ADCY3: variants seen among roughly 807,000 people sequenced by gnomAD.
ADCY3 encodes adenylate cyclase type 3.
In ADCY3, 70 loss-of-function variants were observed where a neutral mutation model predicts 119.4. That is an observed-to-expected ratio of 0.59 (90% CI 0.48 to 0.72). ADCY3 has a LOEUF of 0.72. Ranked by LOEUF, ADCY3 falls within the 30% of genes least tolerant of loss-of-function variation. The probability of loss-of-function intolerance (pLI) is 0.00; values close to 1 mark genes in which losing one functional copy is unlikely to be tolerated. For synonymous variants in ADCY3, 672 were observed against 621.4 expected (o/e 1.08, Z -1.21); for missense variants, 1,238 against 1,541.6 (o/e 0.80, Z 3.30).
At chr2:24,902,473 T>C (rs1679026466) in intron 2 of ADCY3, among the ~76,000 whole-genome samples, 1 of 152,138 alleles carries the variant, frequency 6.6e-6, no homozygotes, top group African/African-American at 2.4e-5. Flanking sequence ...CATCCCAACA[T>C]GTGCCATGGT....
At chr2:24,912,568 CATGTGT>C (rs1466316773) in intron 2 of ADCY3, among the ~76,000 whole-genome samples, 2 of 105,962 alleles carry the variant, frequency 1.9e-5, no homozygotes, top group East Asian at 9.1e-4. Flanking sequence ...TGTGTGTGTG[CATGTGT>C]GTGTGTGTGT....
chr2:24,819,612 C>A lies in ADCY3; in HGVS notation c.*320G>T, dbSNP rs1358772315. ...CCGGAAAGCCCAGCGGCAAAGGCAG[C>A]TTTGTCCCAGCTCTGCCACCCTCCT... is the stretch of plus-strand genomic sequence containing the variant. On this transcript the variant is annotated 3_prime_UTR_variant, in exon 22 of 22. Transcript: ENST00000679454. 2 of 228,364 alleles carry A rather than the reference C, an allele frequency of 8.8e-6. No individual in the cohort carries two copies. The highest frequency in any genetic ancestry group is 1.7e-5 in the Non-Finnish European group (2 of 116,420). 14.1% of individuals were successfully genotyped at this position (228,364 alleles called of 1,614,324 possible).
At chr2:24,856,175 T>G (rs1018309016) in intron 3 of ADCY3, among the ~76,000 whole-genome samples, 1 of 152,138 alleles carries the variant, frequency 6.6e-6, no homozygotes, top group Middle Eastern at 3.4e-3. Flanking sequence ...AGTGTGAATG[T>G]GGAGAGTGTG....
At chr2:24,902,173 T>C (rs1678993950) in intron 2 of ADCY3, among the ~76,000 whole-genome samples, 1 of 149,940 alleles carries the variant, frequency 6.7e-6, no homozygotes, top group Non-Finnish European at 1.5e-5. Flanking sequence ...CTCAACCTCC[T>C]GGGCTCAAGC....
intron 2 of ADCY3, among the ~76,000 whole-genome samples, chr2:24,889,150 C>G (rs1450480341): frequency 6.6e-6 from 1 of 152,184 alleles, no homozygotes; most frequent in Non-Finnish European, 1.5e-5. Flanking sequence ...TCCTACCTTC[C>G]CTTTTATTTC....
Position 24,899,024 on chromosome 2 carries a change from C to G in ADCY3, c.675+19289G>C, listed in dbSNP as rs1489302976. On this transcript the variant is annotated intron_variant, in intron 2 of 21. Coordinates refer to ENST00000679454, the MANE Select transcript of ADCY3 (RefSeq NM_004036.5). The surrounding 1 kb of genome is among the most constrained non-coding windows in gnomAD (Gnocchi z 4.5). ...CAAACACTCCACTGTCCCCTCATGCCCCTTGTCACCCTGAATCCCGGTGTC... is the reference window on the plus strand; with the variant it reads ...CAAACACTCCACTGTCCCCTCATGCGCCTTGTCACCCTGAATCCCGGTGTC... Among the ~76,000 whole-genome samples, 1 of 152,154 alleles carries G rather than the reference C, an allele frequency of 6.6e-6. No individual in the cohort carries two copies. Among genetic ancestry groups the G allele is most frequent in the East Asian group, 1.9e-4 (1 of 5,192 alleles).
chr2:24,832,736 C>G (rs1669768384), intron 11 of ADCY3, among the ~76,000 whole-genome samples: 1 of 152,190 alleles, frequency 6.6e-6, no homozygotes, highest in African/African-American at 2.4e-5. Context: ...GCTGGTGATG[C>G]CAGGTTCACG....
intron 3 of ADCY3, among the ~76,000 whole-genome samples, chr2:24,868,440 G>A (rs1046107093): frequency 9.9e-5 from 15 of 152,154 alleles, no homozygotes; most frequent in African/African-American, 2.6e-4. Context: ...TTGGGAGGCC[G>A]AGGTTTCGAG....
At chr2:24,891,296 A>T (rs144037020) in intron 2 of ADCY3, among the ~76,000 whole-genome samples, 2 of 152,234 alleles carry the variant, frequency 1.3e-5, no homozygotes, top group Non-Finnish European at 2.9e-5. Context: ...TAAATAATTC[A>T]TAAGTTTTAA....
intron 2 of ADCY3, among the ~76,000 whole-genome samples, chr2:24,896,160 CA>C (rs1011361151): frequency 6.6e-6 from 1 of 152,032 alleles, no homozygotes; most frequent in Non-Finnish European, 1.5e-5. Flanking sequence ...CCGAGATGGG[CA>C]GATCATGAAG....
At chr2:24,821,226 G>A (rs931879622) in intron 20 of ADCY3, 72 of 454,518 alleles carry the variant, frequency 1.6e-4, no homozygotes, top group Non-Finnish European at 1.9e-4. Flanking sequence ...AGCAGGCACA[G>A]CAACCCCTCT....
intron 2 of ADCY3, among the ~76,000 whole-genome samples, chr2:24,883,870 A>G (rs1488571301): frequency 6.6e-6 from 1 of 152,232 alleles, no homozygotes; most frequent in Non-Finnish European, 1.5e-5. Context: ...TGGCCATGGA[A>G]CACAGCAAAC....
chr2:24,897,041 C>G (rs1444363544), intron 2 of ADCY3, among the ~76,000 whole-genome samples: 1 of 152,100 alleles, frequency 6.6e-6, no homozygotes, highest in Non-Finnish European at 1.5e-5. Flanking sequence ...TCCAGGCTGT[C>G]CTGCTCACTC....
Position 24,830,186 on chromosome 2 carries a change from G to A in ADCY3, c.2172+523C>T, listed in dbSNP as rs1294901740. Among the ~76,000 whole-genome samples the A allele has an allele frequency of 1.6e-4, 24 of 151,074 alleles. 1 individual carries two copies. Among genetic ancestry groups the A allele is most frequent in the African/African-American group, 5.4e-4 (22 of 40,926 alleles). On this transcript the variant is annotated intron_variant, in intron 13 of 21. Transcript: ENST00000679454. ...CTCCCAAGTAGCTGGGATTACAGGTGTGCACCACCATGCCTGGCTAATTTT... is the reference window on the plus strand; with the variant it reads ...CTCCCAAGTAGCTGGGATTACAGGTATGCACCACCATGCCTGGCTAATTTT...
intron 3 of ADCY3, among the ~76,000 whole-genome samples, chr2:24,843,110 C>T (rs971976883): frequency 5.9e-5 from 9 of 152,214 alleles, no homozygotes; most frequent in African/African-American, 9.7e-5. Context: ...CACAGACACA[C>T]GCAAAGCGCA....
rs531958946 is a variant in ADCY3 at position 24,828,929 on chromosome 2, C to G, written c.2173-768G>C. Among the ~76,000 whole-genome samples the G allele has an allele frequency of 1.8e-4, 27 of 152,312 alleles. 1 individual carries two copies. The highest frequency in any genetic ancestry group is 6.3e-4 in the African/African-American group (26 of 41,566). ...GTGACATGCAGGGGGCCTGGGGCTT[C>G]TCTTCCCTGGGTAGTGGGCACCAGC... On this transcript the variant is annotated intron_variant, in intron 13 of 21. Transcript: ENST00000679454.
chr2:24,834,411 A>ACGGGGGGGGGGGGGGGGGG lies in ADCY3; in HGVS notation c.1967+73_1967+74insCCCCCCCCCCCCCCCCCCG. On this transcript the variant is annotated intron_variant, in intron 11 of 21. Coordinates refer to ENST00000679454, the MANE Select transcript of ADCY3 (RefSeq NM_004036.5). The surrounding 1 kb of genome is among the most constrained non-coding windows in gnomAD (Gnocchi z 4.2). ...TCCCCAATGTCAGGCTCCCGCTGAG[A>ACGGGGGGGGGGGGGGGGGG]CACCTGCCCCCGCCCCCCGCCCGGC... 8.1e-7 allele frequency: 1 copy of ACGGGGGGGGGGGGGGGGGG among 1,237,222 alleles called. No homozygotes were observed. The highest frequency in any genetic ancestry group is 1.1e-6 in the Non-Finnish European group (1 of 885,548). 76.6% of individuals were successfully genotyped at this position (1,237,222 alleles called of 1,614,324 possible).
Position 24,819,753 on chromosome 2 carries a change from A to G in ADCY3, c.*179T>C, listed in dbSNP as rs7945. On this transcript the variant is annotated 3_prime_UTR_variant, in exon 22 of 22. Coordinates refer to ENST00000679454, the MANE Select transcript of ADCY3 (RefSeq NM_004036.5). The stretch of plus-strand genomic sequence containing the variant: ...CCTATGCTGGGGACACTACAGGCAC[A>G]CACAGGAATAGCAGGGCCACCCTCA... The G allele has an allele frequency of 0.19, 125,446 of 652,184 alleles. 13,543 individuals carry two copies. Among genetic ancestry groups the G allele is most frequent in the Non-Finnish European group, 0.23 (85,390 of 379,092 alleles). 40.4% of individuals were successfully genotyped at this position (652,184 alleles called of 1,614,324 possible). A position where few individuals can be genotyped will look rare whatever the true frequency, so the allele number is the denominator to read the frequency against.
Position 24,862,494 on chromosome 2 carries a change from C to G in ADCY3, c.825+10076G>C, listed in dbSNP as rs936715613. 4.6e-5 allele frequency among the ~76,000 whole-genome samples: 7 copies of G among 150,750 alleles called. No individual in the cohort carries two copies. In the South Asian group the frequency reaches 1.3e-3, roughly 27 times the overall value. ...CCGGAAGGCGGAGCTTGCAGTGAGCCGAGATCGTGCCACTGCACTCCAGCC... is the reference window on the plus strand; with the variant it reads ...CCGGAAGGCGGAGCTTGCAGTGAGCGGAGATCGTGCCACTGCACTCCAGCC... On this transcript the variant is annotated intron_variant, in intron 3 of 21. Coordinates refer to ENST00000679454, the MANE Select transcript of ADCY3 (RefSeq NM_004036.5).
Sources: allele counts gnomAD v4.1 joint callset (sites outside exome capture counted in the v4.1 genomes callset), GRCh38; gene constraint gnomAD v4.1.1; non-coding constraint Gnocchi (gnomAD v3.1); transcripts MANE v1.5; gene names NCBI Gene and HGNC (gene_info 2026-07-23, HGNC 2026-07-21).